PSMA1: variants seen among roughly 807,000 people sequenced by gnomAD.
The protein encoded by PSMA1 is proteasome 20S subunit alpha 1.
PSMA1 carries 3 observed loss-of-function variants against 38.4 expected under a neutral mutation model. That is an observed-to-expected ratio of 0.08 (90% confidence interval 0.04 to 0.20). PSMA1 has a LOEUF of 0.20. Among genes scored for constraint, PSMA1 ranks in the 10% least tolerant of loss-of-function variants. The pLI is 1.00. For missense variants in PSMA1, 227 were observed against 325.3 expected, an observed-to-expected ratio of 0.70 and a Z score of 2.32; for synonymous variants, 101 against 107.1, an observed-to-expected ratio of 0.94 and a Z score of 0.35.
At chr11:14,586,381 G>C (rs113308369) in intron 2 of PSMA1, among the ~76,000 whole-genome samples, 56 of 151,886 alleles carry the variant, frequency 3.7e-4, no homozygotes, top group Non-Finnish European at 7.2e-4. Context: ...GCAGTGAGCC[G>C]AGATCGTGCC....
intron 1 of PSMA1, among the ~76,000 whole-genome samples, chr11:14,629,528 T>G (rs1852970273): frequency 6.6e-6 from 1 of 151,898 alleles, no homozygotes; most frequent in Admixed American, 6.6e-5. Flanking sequence ...TTGATCTATA[T>G]CTCTGTTTTG....
At chr11:14,622,932 T>C (rs549121071) in intron 1 of PSMA1, among the ~76,000 whole-genome samples, 7 of 152,340 alleles carry the variant, frequency 4.6e-5, no homozygotes, top group African/African-American at 9.6e-5. Flanking sequence ...CATAGAATTA[T>C]ATGTCTTTTG....
chr11:14,585,310 T>G (rs558930665), intron 2 of PSMA1, among the ~76,000 whole-genome samples: 2 of 152,162 alleles, frequency 1.3e-5, no homozygotes, highest in South Asian at 4.2e-4. Context: ...AAAAATGAAT[T>G]AAAAAAATAA....
intron 2 of PSMA1, among the ~76,000 whole-genome samples, chr11:14,566,486 A>G (rs1363260658): frequency 1.3e-5 from 2 of 152,152 alleles, no homozygotes; most frequent in African/African-American, 2.4e-5. Context: ...ATGTGATACC[A>G]TATGCACACC....
intron 1 of PSMA1, among the ~76,000 whole-genome samples, chr11:14,630,159 C>A (rs1299950088): frequency 6.6e-6 from 1 of 151,988 alleles, no homozygotes; most frequent in Non-Finnish European, 1.5e-5. Context: ...CCTTTATTTC[C>A]TTCTCCTGCC....
At chr11:14,523,385 C>G (rs780642003), upstream of PSMA1, among the ~76,000 whole-genome samples, 12 of 152,114 alleles carry the variant, frequency 7.9e-5, no homozygotes, top group Non-Finnish European at 1.3e-4. Context: ...ATCCTATTGC[C>G]TCAGCCTCCC....
In PSMA1 at chr11:14,513,807, A is replaced by G. The variant is rs1475684173; in HGVS notation, c.414+10T>C. On this transcript the variant is annotated intron_variant, in intron 6 of 9. Coordinates refer to ENST00000396394, the MANE Select transcript of PSMA1 (RefSeq NM_002786.4). Reference sequence around the variant, plus strand: ...AATCATTAACATATAACAATATTCAATGAACTTACATCATAACCAGCAATA... The same window carrying G: ...AATCATTAACATATAACAATATTCAGTGAACTTACATCATAACCAGCAATA... 1.3e-6 allele frequency: 2 copies of G among 1,574,554 alleles called. No individual in the cohort carries two copies. Among genetic ancestry groups the G allele is most frequent in the African/African-American group, 2.8e-5 (2 of 72,596 alleles).
At chr11:14,595,986 T>G (rs1411119282) in intron 2 of PSMA1, among the ~76,000 whole-genome samples, 1 of 152,200 alleles carries the variant, frequency 6.6e-6, no homozygotes, top group Non-Finnish European at 1.5e-5. Flanking sequence ...CCAGCACCAT[T>G]TATGAAATAG....
intron 2 of PSMA1, among the ~76,000 whole-genome samples, chr11:14,541,090 T>C (rs1307983508): frequency 1.3e-5 from 2 of 152,134 alleles, no homozygotes; most frequent in Non-Finnish European, 2.9e-5. Flanking sequence ...AAGCATAATT[T>C]TTAAAAAAAG....
chr11:14,530,567 T>C (rs1468462814), intron 2 of PSMA1, among the ~76,000 whole-genome samples: 1 of 152,300 alleles, frequency 6.6e-6, no homozygotes, highest in East Asian at 1.9e-4. Context: ...TTTGTACATA[T>C]GTTTAATGTG....
intron 2 of PSMA1, among the ~76,000 whole-genome samples, chr11:14,570,976 G>A (rs1362095320): frequency 6.6e-6 from 1 of 152,212 alleles, no homozygotes; most frequent in East Asian, 1.9e-4. Flanking sequence ...TACCCACAAA[G>A]GGAAGCCCAT....
At chr11:14,561,816 A>C (rs1035000503) in intron 2 of PSMA1, among the ~76,000 whole-genome samples, 12 of 56,268 alleles carry the variant, frequency 2.1e-4, no homozygotes, top group African/African-American at 4.4e-4. Context: ...AAATTAAACT[A>C]AACTAAACTA....
At chr11:14,570,668 GAAAC>G (rs924453220) in intron 2 of PSMA1, among the ~76,000 whole-genome samples, 3 of 152,124 alleles carry the variant, frequency 2.0e-5, no homozygotes, top group Non-Finnish European at 4.4e-5. Flanking sequence ...AGACTAAAAA[GAAAC>G]AAACAAAGCC....
chr11:14,634,947 A>C (rs1246874247), intron 1 of PSMA1, among the ~76,000 whole-genome samples: 1 of 152,196 alleles, frequency 6.6e-6, no homozygotes, highest in Non-Finnish European at 1.5e-5. Flanking sequence ...TGGAGCCCAC[A>C]GTTTATTTTG....
intron 2 of PSMA1, among the ~76,000 whole-genome samples, chr11:14,553,880 T>C (rs1450685344): frequency 1.3e-5 from 2 of 152,182 alleles, no homozygotes; most frequent in Non-Finnish European, 1.5e-5. Flanking sequence ...AAGTTTAGAT[T>C]TTTAAGAAAT....
chr11:14,555,921 C>A (rs1029852172), intron 2 of PSMA1, among the ~76,000 whole-genome samples: 1 of 152,192 alleles, frequency 6.6e-6, no homozygotes, highest in East Asian at 1.9e-4. Context: ...TTCTCCCTAG[C>A]CCTCTAACAG....
chr11:14,614,752 C>T (rs1267334991), intron 1 of PSMA1, among the ~76,000 whole-genome samples: 2 of 152,188 alleles, frequency 1.3e-5, no homozygotes, highest in African/African-American at 4.8e-5. Context: ...GCTTCCTTAT[C>T]ACTGCCACTG....
chr11:14,579,509 T>TTTTC lies in PSMA1; in HGVS notation c.21+31456_21+31457insGAAA, dbSNP rs746024063. Among the ~76,000 whole-genome samples the TTTTC allele has an allele frequency of 8.0e-5, 10 of 125,428 alleles. 3 individuals carry two copies. The highest frequency in any genetic ancestry group is 1.3e-4 in the African/African-American group (4 of 31,840). 82.3% of individuals were successfully genotyped at this position (125,428 alleles called of 152,430 possible). The stretch of plus-strand genomic sequence containing the variant: ...GACTTTTTTTTTTTTTTTTTTTTTT[T>TTTTC]AAATAAGGTAACATTAACAGGGGCC... On this transcript the variant is annotated intron_variant, in intron 2 of 10. Transcript: ENST00000418988.
intron 1 of PSMA1, among the ~76,000 whole-genome samples, chr11:14,631,282 T>C (rs1046575686): frequency 6.6e-6 from 1 of 152,236 alleles, no homozygotes; most frequent in Non-Finnish European, 1.5e-5. Context: ...CGATATTTCC[T>C]GCTTTCTCTT....
Sources: allele counts gnomAD v4.1 joint callset (sites outside exome capture counted in the v4.1 genomes callset), GRCh38; gene constraint gnomAD v4.1.1; transcripts MANE v1.5; gene names NCBI Gene and HGNC (gene_info 2026-07-23, HGNC 2026-07-21).